LYPLAL1: variants seen among roughly 807,000 people sequenced by gnomAD.
The protein encoded by LYPLAL1 is lysophospholipase like 1, also known as lysophospholipase-like protein 1.
A neutral mutation model predicts 19.7 loss-of-function variants in LYPLAL1; 23 were observed. The ratio of observed to expected loss-of-function variants is 1.17; its 90% confidence interval spans 0.84 to 1.65. The LOEUF (loss-of-function observed/expected upper bound fraction) is 1.65. LYPLAL1 is among the 40% of genes most tolerant of loss of function. The probability of loss-of-function intolerance (pLI) is 0.00; values close to 1 mark genes in which losing one functional copy is unlikely to be tolerated. For synonymous variants in LYPLAL1, 119 were observed against 96.3 expected (o/e 1.24, Z -1.38); for missense variants, 355 against 279.4 (o/e 1.27, Z -1.93).
At chr1:219,366,801 A>G in the LYPLAL1 span, among the ~76,000 whole-genome samples, 1 of 152,082 alleles carries the variant, frequency 6.6e-6, no homozygotes, top group Admixed American at 6.6e-5. Flanking sequence ...CTTAGGACCA[A>G]TTATACACTC....
chr1:219,179,301 T>C (rs77057255), intron 2 of LYPLAL1, 55 bp downstream of exon 2: 5 of 1,239,158 alleles, frequency 4.0e-6, no homozygotes, highest in South Asian at 3.8e-5. Flanking sequence ...AAAATATATA[T>C]AGAGAGATGT....
chr1:219,390,759 G>A, the LYPLAL1 span, among the ~76,000 whole-genome samples: 5 of 152,180 alleles, frequency 3.3e-5, no homozygotes, highest in South Asian at 2.1e-4. Context: ...TGACTTGCAT[G>A]CATTATGCAC....
At position 219,211,538 on chromosome 1, in the gene LYPLAL1, A is replaced by G. The variant is rs1294630530; in HGVS notation, c.524A>G (p.His175Arg). Reference protein sequence around the residue: ...NGVLPELFQCHGTADELVLHS... With the variant: ...NGVLPELFQCRGTADELVLHS... ...GTACTTCCTGAATTATTTCAGTGTC[A>G]TGGTACTGCAGATGAGTTAGTTCTT... Residue 175 changes from histidine to arginine, a missense_variant, in exon 5 of 5, where the codon CAT becomes CGT. Coordinates refer to ENST00000366928, the MANE Select transcript of LYPLAL1 (RefSeq NM_138794.5). 25 of 1,613,024 alleles carry G rather than the reference A, an allele frequency of 1.5e-5. No individual in the cohort carries two copies. Among genetic ancestry groups the G allele is most frequent in the East Asian group, 2.2e-5 (1 of 44,846 alleles).
the LYPLAL1 span, among the ~76,000 whole-genome samples, chr1:219,257,388 A>G: frequency 2.0e-4 from 29 of 142,250 alleles, no homozygotes; most frequent in African/African-American, 7.3e-4. Context: ...TACTGTTTGA[A>G]TAGTATTGGG....
chr1:219,302,780 C>A, the LYPLAL1 span, among the ~76,000 whole-genome samples: 1 of 152,058 alleles, frequency 6.6e-6, no homozygotes, highest in African/African-American at 2.4e-5. Context: ...CCCACTTTTT[C>A]ACATCCTTCT....
At chr1:219,227,037 T>A in the LYPLAL1 span, among the ~76,000 whole-genome samples, 1 of 152,250 alleles carries the variant, frequency 6.6e-6, no homozygotes, top group South Asian at 2.1e-4. Flanking sequence ...ATGAGTGATA[T>A]GTGGAAAAAA....
Position 219,211,524 on chromosome 1 carries a change from AT to A in LYPLAL1, c.512del (p.Leu171TyrfsTer11). On this transcript the variant is annotated frameshift_variant, in exon 5 of 5. Transcript: ENST00000366928. LOFTEE classifies it low-confidence loss of function (END_TRUNC). ...AGAAGAGTAATGGTGTACTTCCTGA[AT>A]TATTTCAGTGTCATGGTACTGCAGA... ...LQKSNGVLPE[L>X]FQCHGTADEL... 3.1e-6 allele frequency: 5 copies of A among 1,612,278 alleles called. No individual in the cohort carries two copies. Among genetic ancestry groups the A allele is most frequent in the Non-Finnish European group, 4.2e-6 (5 of 1,178,840 alleles).
At chr1:219,372,028 G>C in the LYPLAL1 span, among the ~76,000 whole-genome samples, 1 of 152,002 alleles carries the variant, frequency 6.6e-6, no homozygotes, top group Admixed American at 6.6e-5. Context: ...CCCTTCCCCT[G>C]GTCCCTCAGT....
chr1:219,190,436 A>T (rs996115320), intron 2 of LYPLAL1, among the ~76,000 whole-genome samples: 1 of 151,536 alleles, frequency 6.6e-6, no homozygotes, highest in Non-Finnish European at 1.5e-5. Context: ...TACTCCATGT[A>T]TGAAATTCCC....
chr1:219,427,580 G>A, the LYPLAL1 span, among the ~76,000 whole-genome samples: 1 of 152,164 alleles, frequency 6.6e-6, no homozygotes, highest in African/African-American at 2.4e-5. Flanking sequence ...CTCTACAAAA[G>A]TATGACAGTG....
At chr1:219,404,458 A>T in the LYPLAL1 span, among the ~76,000 whole-genome samples, 1 of 152,212 alleles carries the variant, frequency 6.6e-6, no homozygotes, top group Non-Finnish European at 1.5e-5. Context: ...TTTTGGTGCT[A>T]GAAGATGGTC....
At chr1:219,293,243 C>G in the LYPLAL1 span, among the ~76,000 whole-genome samples, 1 of 150,850 alleles carries the variant, frequency 6.6e-6, no homozygotes, top group Admixed American at 6.6e-5. Context: ...CTGGTCTCCG[C>G]AAACCATACA....
chr1:219,236,503 A>G, the LYPLAL1 span, among the ~76,000 whole-genome samples: 53 of 152,330 alleles, frequency 3.5e-4, no homozygotes, highest in African/African-American at 5.3e-4. Flanking sequence ...AAGTCATTCA[A>G]AACCTTTATG....
chr1:219,404,349 T>C, the LYPLAL1 span, among the ~76,000 whole-genome samples: 1 of 152,084 alleles, frequency 6.6e-6, no homozygotes, highest in Non-Finnish European at 1.5e-5. Flanking sequence ...TCCAAAAGAG[T>C]AATCCTTTTC....
chr1:219,343,589 A>G, the LYPLAL1 span, among the ~76,000 whole-genome samples: 1 of 152,174 alleles, frequency 6.6e-6, no homozygotes, highest in Non-Finnish European at 1.5e-5. Flanking sequence ...CTGAAAGAAT[A>G]TTTTCAATAC....
chr1:219,197,900 G>T (rs1301082148), intron 3 of LYPLAL1, among the ~76,000 whole-genome samples: 1 of 152,120 alleles, frequency 6.6e-6, no homozygotes, highest in Non-Finnish European at 1.5e-5. Context: ...GAGGTTACCT[G>T]TTTGAGCACC....
the LYPLAL1 span, among the ~76,000 whole-genome samples, chr1:219,409,341 C>T: frequency 6.6e-6 from 1 of 151,858 alleles, no homozygotes; most frequent in Non-Finnish European, 1.5e-5. Context: ...CCCAGTTACT[C>T]TGGAGGCTGA....
At chr1:219,414,624 C>T in the LYPLAL1 span, among the ~76,000 whole-genome samples, 18 of 152,172 alleles carry the variant, frequency 1.2e-4, no homozygotes, top group African/African-American at 4.3e-4. Flanking sequence ...GTTTATATGA[C>T]TCCTCCTCGC....
At chr1:219,220,260 C>G in the LYPLAL1 span, among the ~76,000 whole-genome samples, 1 of 152,112 alleles carries the variant, frequency 6.6e-6, no homozygotes, top group Non-Finnish European at 1.5e-5. Context: ...ATGTACTCAA[C>G]CAATTAGCCA....
Sources: gnomAD v4.1 joint callset for allele counts (sites outside exome capture counted in the v4.1 genomes callset) on GRCh38, gnomAD v4.1.1 for gene constraint, MANE v1.5 for transcripts, NCBI Gene and HGNC (gene_info 2026-07-23, HGNC 2026-07-21) for gene names.